Variants in BRINP1 observed in about 807,000 individuals in gnomAD.
The protein encoded by BRINP1 is BMP/retinoic acid inducible neural specific 1.
BRINP1 carries 17 observed loss-of-function variants against 72.9 expected under a neutral mutation model. That is an observed-to-expected ratio of 0.23 (90% CI 0.16 to 0.35). The LOEUF is 0.35. Ranked by LOEUF, BRINP1 falls within the 10% of genes least tolerant of loss-of-function variation. BRINP1 has a pLI of 1.00. For missense variants in BRINP1, 850 were observed against 1,001.6 expected (o/e 0.85, Z 2.04); for synonymous variants, 418 against 378.5 (o/e 1.10, Z -1.21).
chr9:119,366,274 G>T (rs972393175), intron 1 of BRINP1, among the ~76,000 whole-genome samples: 1 of 152,076 alleles, frequency 6.6e-6, no homozygotes, highest in Admixed American at 6.5e-5. Context: ...TTAATATAAA[G>T]AAATTAATTT....
chr9:119,268,950 G>A (rs759804299), intron 2 of BRINP1, among the ~76,000 whole-genome samples: 1 of 152,184 alleles, frequency 6.6e-6, no homozygotes, highest in Non-Finnish European at 1.5e-5. Flanking sequence ...GTTGAAAAAG[G>A]ATACACCTGG....
Position 119,166,991 on chromosome 9 carries a change from A to C in BRINP1, c.*93T>G. 7.4e-7 allele frequency: 1 copy of C among 1,357,692 alleles called. No homozygotes were observed. 84.1% of individuals were successfully genotyped at this position (1,357,692 alleles called of 1,614,324 possible). ...TCTTTGAATATTAATTACATTTTAC[A>C]AATTTTTGTGGGTTTTTTTGTTTTG... On this transcript the variant is annotated 3_prime_UTR_variant, in exon 8 of 8. Coordinates refer to ENST00000265922, the MANE Select transcript of BRINP1 (RefSeq NM_014618.3).
chr9:119,304,614 G>T (rs1830975608), intron 2 of BRINP1, among the ~76,000 whole-genome samples: 1 of 152,194 alleles, frequency 6.6e-6, no homozygotes, highest in Admixed American at 6.5e-5. Flanking sequence ...GACATACAAA[G>T]GTATCCAGTA....
chr9:119,216,094 G>A (rs904351234), intron 5 of BRINP1, among the ~76,000 whole-genome samples: 14 of 152,188 alleles, frequency 9.2e-5, no homozygotes, highest in African/African-American at 3.1e-4. Context: ...TGACGATGAC[G>A]ATATTGATGA....
At chr9:119,175,485 C>T (rs977028003) in intron 7 of BRINP1, among the ~76,000 whole-genome samples, 7 of 151,950 alleles carry the variant, frequency 4.6e-5, no homozygotes, top group African/African-American at 1.7e-4. Context: ...CAAACCTGCA[C>T]GTTCTGCACA....
At chr9:119,269,298 T>C (rs941929091) in intron 2 of BRINP1, among the ~76,000 whole-genome samples, 2 of 152,248 alleles carry the variant, frequency 1.3e-5, no homozygotes, top group East Asian at 3.8e-4. Context: ...CAACTCCCGT[T>C]GAGTGCAGGA....
intron 1 of BRINP1, among the ~76,000 whole-genome samples, chr9:119,357,704 C>T (rs1446276952): frequency 6.6e-6 from 1 of 152,150 alleles, no homozygotes; most frequent in African/African-American, 2.4e-5. Flanking sequence ...CCAGTGGCAC[C>T]ATTTATAACA....
At chr9:119,284,409 G>C (rs1830740697) in intron 2 of BRINP1, among the ~76,000 whole-genome samples, 1 of 152,196 alleles carries the variant, frequency 6.6e-6, no homozygotes, top group African/African-American at 2.4e-5. Flanking sequence ...CCCTAGCTCT[G>C]TGTTTGGCAA....
At chr9:119,238,375 T>C (rs1424392901) in intron 5 of BRINP1, among the ~76,000 whole-genome samples, 2 of 150,962 alleles carry the variant, frequency 1.3e-5, no homozygotes, top group Admixed American at 6.7e-5. Flanking sequence ...GAAATGTAGA[T>C]ATTTATAAAT....
intron 5 of BRINP1, among the ~76,000 whole-genome samples, chr9:119,226,029 T>C (rs996940441): frequency 5.3e-5 from 8 of 151,996 alleles, no homozygotes; most frequent in African/African-American, 1.7e-4. Context: ...AAAAAGCATA[T>C]GGTTTCTCCT....
chr9:119,286,790 C>G (rs902111377), intron 2 of BRINP1, among the ~76,000 whole-genome samples: 10 of 152,176 alleles, frequency 6.6e-5, no homozygotes, highest in African/African-American at 2.4e-4. Flanking sequence ...GGGGAACTCA[C>G]CAGACAGAGT....
intron 7 of BRINP1, among the ~76,000 whole-genome samples, chr9:119,174,147 A>G (rs1829452709): frequency 6.7e-6 from 1 of 149,896 alleles, no homozygotes; most frequent in South Asian, 2.1e-4. Context: ...GCTTCTGCAC[A>G]GCAAAAGAAA....
intron 1 of BRINP1, among the ~76,000 whole-genome samples, chr9:119,351,440 G>T (rs1831507116): frequency 6.6e-6 from 1 of 151,872 alleles, no homozygotes; most frequent in South Asian, 2.1e-4. Context: ...TGAAATGGAT[G>T]CCAGGTTTGA....
At chr9:119,228,872 C>T (rs891983765) in intron 5 of BRINP1, among the ~76,000 whole-genome samples, 2 of 152,036 alleles carry the variant, frequency 1.3e-5, no homozygotes, top group Non-Finnish European at 1.5e-5. Flanking sequence ...TTCAGGCAAG[C>T]GTCAGTCCTA....
At chr9:119,299,958 C>T (rs1830923824) in intron 2 of BRINP1, among the ~76,000 whole-genome samples, 1 of 152,138 alleles carries the variant, frequency 6.6e-6, no homozygotes, top group African/African-American at 2.4e-5. Flanking sequence ...TTTCCTTAAT[C>T]ACATTCTTCT....
At chr9:119,309,042 A>C (rs2118990890) in intron 2 of BRINP1, among the ~76,000 whole-genome samples, 1 of 152,294 alleles carries the variant, frequency 6.6e-6, no homozygotes, top group Non-Finnish European at 1.5e-5. Flanking sequence ...GGACTAACTG[A>C]CTTTGAAATT....
At chr9:119,227,312 C>G (rs1202620943) in intron 5 of BRINP1, among the ~76,000 whole-genome samples, 1 of 151,970 alleles carries the variant, frequency 6.6e-6, no homozygotes, top group Non-Finnish European at 1.5e-5. Context: ...TATCCGATTT[C>G]TAATTAAATC....
At chr9:119,219,944 G>T (rs1270443314) in intron 5 of BRINP1, among the ~76,000 whole-genome samples, 1 of 152,064 alleles carries the variant, frequency 6.6e-6, no homozygotes, top group African/African-American at 2.4e-5. Context: ...AAGGCCACGG[G>T]CATAGAACTC....
At chr9:119,191,374 T>C (rs1236642958) in intron 7 of BRINP1, among the ~76,000 whole-genome samples, 1 of 151,832 alleles carries the variant, frequency 6.6e-6, no homozygotes, top group Non-Finnish European at 1.5e-5. Flanking sequence ...ATAATTCTAA[T>C]ATGCAGAAAA....
Sources: allele counts gnomAD v4.1 joint callset (sites outside exome capture counted in the v4.1 genomes callset), GRCh38; gene constraint gnomAD v4.1.1; transcripts MANE v1.5; gene names NCBI Gene and HGNC (gene_info 2026-07-23, HGNC 2026-07-21).